ADAMTS9: variants seen among roughly 807,000 people sequenced by gnomAD.
ADAMTS9 encodes the protein A disintegrin and metalloproteinase with thrombospondin motifs 9.
Under a neutral mutation model 257.1 loss-of-function variants are expected in ADAMTS9, and 107 were observed. That is an observed-to-expected ratio of 0.42 (90% CI 0.36 to 0.49). ADAMTS9 has a LOEUF of 0.49. Among genes scored for constraint, ADAMTS9 ranks in the 20% least tolerant of loss-of-function variants. The probability of loss-of-function intolerance (pLI) is 0.03; values close to 1 mark genes in which losing one functional copy is unlikely to be tolerated. For missense variants in ADAMTS9, 2,353 were observed against 2,469.1 expected, an observed-to-expected ratio of 0.95 and a Z score of 1.00; for synonymous variants, 982 against 880.9, an observed-to-expected ratio of 1.11 and a Z score of -2.03.
intron 27 of ADAMTS9, among the ~76,000 whole-genome samples, chr3:64,595,652 C>T (rs1396733177): frequency 6.6e-6 from 1 of 152,200 alleles, no homozygotes; most frequent in Admixed American, 6.5e-5. Context: ...TCCAGAATGA[C>T]ATAACTGTCA....
intron 28 of ADAMTS9, among the ~76,000 whole-genome samples, chr3:64,584,363 AT>A (rs2084090136): frequency 6.6e-6 from 1 of 152,042 alleles, no homozygotes; most frequent in African/African-American, 2.4e-5. Context: ...CATGGGTGGG[AT>A]GGGGAGGAGG....
In ADAMTS9 at chr3:64,613,365, G is replaced by C; in HGVS notation, c.3334C>G (p.Gln1112Glu). 6.2e-7 allele frequency: 1 copy of C among 1,613,796 alleles called. No homozygotes were observed. Among genetic ancestry groups the C allele is most frequent in the Non-Finnish European group, 8.5e-7 (1 of 1,179,818 alleles). Residue 1112 changes from glutamine to glutamate, a missense_variant, in exon 22 of 40, where the codon CAG (glutamine) becomes GAG (glutamate). By Grantham distance (29) the Gln-to-Glu change is conservative (BLOSUM62 2). This residue lies in a region of ADAMTS9 where 1,402 missense variants were observed against 1,441.4 expected (regional missense o/e 0.97). Transcript: ENST00000498707. ...AATACCTGTCCCCAGGGACCCGCCT[G>C]CCAGGATGCACATTCCGGCTGCTGA... is the stretch of plus-strand genomic sequence containing the variant. ...TCQQPECASW[Q>E]AGPWGQCSVT...
At chr3:64,660,999 G>A (rs1053503757) in intron 3 of ADAMTS9, among the ~76,000 whole-genome samples, 17 of 152,276 alleles carry the variant, frequency 1.1e-4, no homozygotes, top group African/African-American at 4.1e-4. Context: ...TTAAATTTGT[G>A]GTTGGAAGAC....
In ADAMTS9 at chr3:64,687,859, C is replaced by T. The variant is rs962176897; in HGVS notation, c.-202G>A. ...GAGCAACGCCGCCGCCTGCCGAGAG[C>T]TGAGCCGCTCGGGCCGCAGGAGGAG... On this transcript the variant is annotated 5_prime_UTR_variant, in exon 1 of 40. Coordinates refer to ENST00000498707, the MANE Select transcript of ADAMTS9 (RefSeq NM_182920.2). This position sits in a 1 kb window ranked among gnomAD's most constrained non-coding sequence, Gnocchi z 4.4. 3.8e-5 allele frequency: 17 copies of T among 442,060 alleles called. No homozygotes were observed. In the East Asian group the frequency reaches 6.5e-4, roughly 17 times the overall value. 27.4% of individuals were successfully genotyped at this position (442,060 alleles called of 1,614,324 possible).
At chr3:64,593,189 T>C (rs2084294405) in intron 28 of ADAMTS9, among the ~76,000 whole-genome samples, 1 of 152,142 alleles carries the variant, frequency 6.6e-6, no homozygotes, top group Admixed American at 6.5e-5. Context: ...TTCTGCCTAA[T>C]ACAAAGTATA....
At chr3:64,574,491 G>A (rs935812549) in intron 28 of ADAMTS9, among the ~76,000 whole-genome samples, 2 of 150,034 alleles carry the variant, frequency 1.3e-5, no homozygotes, top group Admixed American at 6.7e-5. Flanking sequence ...GGGAGGCAGA[G>A]GTGGGAGGAT....
intron 26 of ADAMTS9, among the ~76,000 whole-genome samples, chr3:64,600,051 CTTTTTTT>C (rs35753372): frequency 2.9e-5 from 3 of 104,190 alleles, no homozygotes; most frequent in Non-Finnish European, 5.8e-5. Flanking sequence ...AGTTTCTGTT[CTTTTTTT>C]TTTTTTTTTT....
chr3:64,551,530 A>C (rs1196570595), intron 30 of ADAMTS9, among the ~76,000 whole-genome samples: 1 of 152,144 alleles, frequency 6.6e-6, no homozygotes, highest in South Asian at 2.1e-4. Flanking sequence ...ATTTTACCCC[A>C]GTTACCTAAC....
intron 12 of ADAMTS9, 119 bp downstream of exon 12, chr3:64,641,729 G>T: frequency 7.3e-7 from 1 of 1,364,364 alleles, no homozygotes; most frequent in Non-Finnish European, 1.0e-6. Flanking sequence ...AGCCCTTGAA[G>T]TTTACGTTCT....
chr3:64,652,682 C>A (rs547100409), intron 8 of ADAMTS9, among the ~76,000 whole-genome samples: 3 of 152,150 alleles, frequency 2.0e-5, no homozygotes, highest in African/African-American at 7.2e-5. Context: ...GCTTATTGGA[C>A]GCTTACGAAC....
At chr3:64,593,363 A>G (rs2084297079) in intron 28 of ADAMTS9, among the ~76,000 whole-genome samples, 1 of 152,178 alleles carries the variant, frequency 6.6e-6, no homozygotes. Flanking sequence ...GGGTAAAAAA[A>G]CATTCTGGAT....
chr3:64,631,870 A>G lies in ADAMTS9; in HGVS notation c.2231T>C (p.Val744Ala). 6.2e-7 allele frequency: 1 copy of G among 1,613,926 alleles called. No individual in the cohort carries two copies. Among genetic ancestry groups the G allele is most frequent in the Non-Finnish European group, 8.5e-7 (1 of 1,179,942 alleles). Residue 744 changes from valine (V) to alanine (A), a missense_variant, in exon 15 of 40, where the codon GTT becomes GCT. Val to Ala is a moderately conservative substitution (Grantham distance 64). Coordinates refer to ENST00000498707, the MANE Select transcript of ADAMTS9 (RefSeq NM_182920.2). ...GCATGAAGAATTATCGCCACCACAA[A>G]CCCCACATTTATCTCTCCGGGCTTT... ...NSKARRDKCG[V>A]CGGDNSSCKT...
intron 11 of ADAMTS9, among the ~76,000 whole-genome samples, chr3:64,642,975 G>A (rs1233370239): frequency 2.0e-5 from 3 of 152,166 alleles, no homozygotes; most frequent in African/African-American, 7.2e-5. Context: ...CCCACACAAG[G>A]CTTGGTAAAC....
chr3:64,645,415 T>C (rs540543403), intron 11 of ADAMTS9, among the ~76,000 whole-genome samples: 1 of 152,132 alleles, frequency 6.6e-6, no homozygotes, highest in East Asian at 1.9e-4. Context: ...CAAAATAACA[T>C]TGTGTCAGCA....
chr3:64,604,062 G>A lies in ADAMTS9; in HGVS notation c.3607C>T (p.Arg1203Trp), dbSNP rs768501919. The change falls in exon 25 of 40, where the codon CGG (arginine) becomes TGG (tryptophan). Residue 1203 changes from arginine (R) to tryptophan (W), a missense_variant. Physicochemically the swap from Arg to Trp is moderately radical, Grantham distance 101. This residue lies in a region of ADAMTS9 where 1,402 missense variants were observed against 1,441.4 expected (regional missense o/e 0.97). Coordinates refer to ENST00000498707, the MANE Select transcript of ADAMTS9 (RefSeq NM_182920.2). The part of the protein sequence containing the change: ...PCSATCGKGT[R>W]MRYVSCRDEN... ...TCTCGGCAGCTGACGTATCTCATCC[G>A]GGTACCTTTCCCACAAGTGGCTGAG... 50 of 1,613,876 alleles carry A rather than the reference G, an allele frequency of 3.1e-5. No individual in the cohort carries two copies. In the East Asian group the frequency reaches 1.0e-3, roughly 34 times the overall value.
chr3:64,642,698 T>G (rs1700681671), intron 11 of ADAMTS9, among the ~76,000 whole-genome samples: 1 of 151,550 alleles, frequency 6.6e-6, no homozygotes, highest in Non-Finnish European at 1.5e-5. Flanking sequence ...ATTGTTGGGG[T>G]GTGAAGCCCT....
intron 2 of ADAMTS9, among the ~76,000 whole-genome samples, chr3:64,683,851 T>C (rs1701821835): frequency 6.6e-6 from 1 of 152,046 alleles, no homozygotes; most frequent in South Asian, 2.1e-4. Context: ...CCAAGAACCT[T>C]GATACAAGGG....
In ADAMTS9 at chr3:64,545,058, A is replaced by T. The variant is rs193202953; in HGVS notation, c.5064+1700T>A. 7.0e-3 allele frequency among the ~76,000 whole-genome samples: 1,062 copies of T among 152,302 alleles called. 8 individuals are homozygous for T. The highest frequency in any genetic ancestry group is 0.025 in the African/African-American group (1,036 of 41,556). On this transcript the variant is annotated intron_variant, in intron 32 of 39. Coordinates refer to ENST00000498707, the MANE Select transcript of ADAMTS9 (RefSeq NM_182920.2). The stretch of plus-strand genomic sequence containing the variant: ...AAAGGCAAATCAAAACCACAATGAG[A>T]TACCATCTCACACCAGTTAGAATGG...
chr3:64,610,616 G>A (rs1484498352), intron 22 of ADAMTS9, among the ~76,000 whole-genome samples: 1 of 151,916 alleles, frequency 6.6e-6, no homozygotes, highest in Non-Finnish European at 1.5e-5. Context: ...TGTTATTAGG[G>A]AAATACAAAT....
Sources: gnomAD v4.1 joint callset for allele counts (sites outside exome capture counted in the v4.1 genomes callset) on GRCh38, gnomAD v4.1.1 for gene constraint, gnomAD v4.1.1 regional missense constraint, Gnocchi (gnomAD v3.1) non-coding constraint, MANE v1.5 for transcripts, NCBI Gene and HGNC (gene_info 2026-07-23, HGNC 2026-07-21) for gene names.